RNF213: variants seen among roughly 807,000 people sequenced by gnomAD.
RNF213 encodes ring finger protein 213.
Under a neutral mutation model 514.4 loss-of-function variants are expected in RNF213, and 341 were observed. That is an observed-to-expected ratio of 0.66 (90% CI 0.61 to 0.73). The LOEUF (loss-of-function observed/expected upper bound fraction) is 0.73. Ranked by LOEUF, RNF213 falls within the 30% of genes least tolerant of loss-of-function variation. The pLI is 0.00. For synonymous variants in RNF213, 2,655 were observed against 2,658.2 expected, an observed-to-expected ratio of 1.00 and a Z score of 0.04; for missense variants, 5,767 against 6,615.6, an observed-to-expected ratio of 0.87 and a Z score of 4.45.
At chr17:80,337,465 C>T in intron 23 of RNF213, 121 bp from the exon 24 acceptor site, 1 of 1,348,422 alleles carries the variant, frequency 7.4e-7, no homozygotes, top group Non-Finnish European at 1.0e-6. Context: ...GTCCTGAGCC[C>T]TGGGGAAGCG....
rs1279879689 is a variant in RNF213, at chr17:80,396,725, T to TCCCCCCCCCC, written c.*3227_*3228insCCCCCCCCCC. On this transcript the variant is annotated 3_prime_UTR_variant, in exon 68 of 68. Coordinates refer to ENST00000582970, the MANE Select transcript of RNF213 (RefSeq NM_001256071.3). The stretch of plus-strand genomic sequence containing the variant: ...AAAAACAAGCGCCAGGAAAGTGCAT[T>TCCCCCCCCCC]TCCCCCCCACCCCCCCCCCCCAACC... 3.0e-5 allele frequency: 2 copies of TCCCCCCCCCC among 67,638 alleles called. No homozygotes were observed. Among genetic ancestry groups the TCCCCCCCCCC allele is most frequent in the African/African-American group, 1.0e-4 (2 of 19,584 alleles). 4.2% of individuals were successfully genotyped at this position (67,638 alleles called of 1,614,324 possible). A position where few individuals can be genotyped will look rare whatever the true frequency, so the allele number is the denominator to read the frequency against.
Position 80,373,135 on chromosome 17 carries a change from G to A in RNF213, c.12912G>A (p.Trp4304Ter), listed in dbSNP as rs1360309851. 2 of 1,612,722 alleles carry A rather than the reference G, an allele frequency of 1.2e-6. No individual in the cohort carries two copies. The highest frequency in any genetic ancestry group is 1.7e-5 in the Admixed American group (1 of 60,000). Residue 4304 changes from tryptophan to a stop codon, truncating the protein, a stop_gained, in exon 49 of 68, where the codon TGG becomes TGA. Coordinates refer to ENST00000582970, the MANE Select transcript of RNF213 (RefSeq NM_001256071.3). LOFTEE classifies it high-confidence loss of function. Reference protein sequence around the residue: ...GLSKPGRPHQWVFPKDVVKQQ... With the variant: ...GLSKPGRPHQ Reference sequence around the variant, plus strand: ...CCAAGCCCGGCCGCCCGCACCAGTGGGTGTTTCCCAAGGACGTTGTCAAGC... The same window carrying A: ...CCAAGCCCGGCCGCCCGCACCAGTGAGTGTTTCCCAAGGACGTTGTCAAGC...
At chr17:80,274,145 C>T (rs935564749) in intron 3 of RNF213, among the ~76,000 whole-genome samples, 6 of 152,060 alleles carry the variant, frequency 3.9e-5, no homozygotes, top group African/African-American at 9.7e-5. Flanking sequence ...ATTGAGGGTG[C>T]GTGCCCAGAG....
In RNF213 at chr17:80,361,724, C is replaced by T. The variant is rs374866812; in HGVS notation, c.11201-10C>T. The T allele has an allele frequency of 5.6e-6, 9 of 1,612,790 alleles. No homozygotes were observed. Among genetic ancestry groups the T allele is most frequent in the African/African-American group, 1.3e-5 (1 of 75,002 alleles). Reference sequence around the variant, plus strand: ...GCACTCCAGGCCGCTCCTTGGTTTCCTCTCTGCAGGACTGCCCAAGAAGTT... The same window carrying T: ...GCACTCCAGGCCGCTCCTTGGTTTCTTCTCTGCAGGACTGCCCAAGAAGTT... On this transcript the variant is annotated splice_polypyrimidine_tract_variant and intron_variant, in intron 38 of 67. Transcript: ENST00000582970.
rs971751110 is a variant in RNF213 at position 80,353,164 on chromosome 17, C to T, written c.10423+105C>T. On this transcript the variant is annotated intron_variant, in intron 33 of 67. Coordinates refer to ENST00000582970, the MANE Select transcript of RNF213 (RefSeq NM_001256071.3). This position sits in a 1 kb window ranked among gnomAD's most constrained non-coding sequence, Gnocchi z 5.0. ...CACTAGGAGCAGGGCCACCGTGTTT[C>T]GTCCCTCGGCAGGAGCTCGGGGACA... 17 of 1,498,884 alleles carry T rather than the reference C, an allele frequency of 1.1e-5. No homozygotes were observed. The highest frequency in any genetic ancestry group is 6.8e-5 in the East Asian group (3 of 44,126). The allele number at this position is 1,498,884 out of a possible 1,614,324, so 92.8% of individuals were successfully genotyped here.
In RNF213 at chr17:80,345,511, G is replaced by A. The variant is rs774601132; in HGVS notation, c.7176G>A (p.Thr2392=). ...GIPQATDPDK[T]YELTTDNMLK... ...CCCAGGCCACCGACCCCGACAAAAC[G>A]TATGAGCTCACAACCGACAATATGC... Residue 2392 remains threonine, a synonymous_variant, in exon 29 of 68, where the codon ACG becomes ACA. Transcript: ENST00000582970. The surrounding 1 kb of genome is among the most constrained non-coding windows in gnomAD (Gnocchi z 6.0). 18 of 1,611,596 alleles carry A rather than the reference G, an allele frequency of 1.1e-5. No individual in the cohort carries two copies. The highest frequency in any genetic ancestry group is 8.9e-5 in the East Asian group (4 of 44,844).
At chr17:80,290,414 C>CGT (rs34733680) in intron 6 of RNF213, among the ~76,000 whole-genome samples, 156 bp from the exon 7 acceptor site, 29,432 of 146,598 alleles carry the variant, frequency 0.2, 3,001 homozygotes, top group African/African-American at 0.28. Flanking sequence ...TGTGTGTGTG[C>CGT]GTGTGTGCGA....
chr17:80,271,002 C>T (rs1357561639), intron 2 of RNF213, among the ~76,000 whole-genome samples: 5 of 152,130 alleles, frequency 3.3e-5, no homozygotes, highest in Non-Finnish European at 2.9e-5. Flanking sequence ...ATGGATGCTT[C>T]CATACTTCTT....
intron 62 of RNF213, 127 bp from the exon 63 acceptor site, chr17:80,386,563 C>T (rs1348861655): frequency 1.0e-5 from 14 of 1,397,480 alleles, no homozygotes; most frequent in African/African-American, 5.7e-5. Flanking sequence ...ACCAGTGACC[C>T]GCCCCATACT....
intron 37 of RNF213, among the ~76,000 whole-genome samples, chr17:80,359,672 G>A (rs975533601): frequency 7.2e-5 from 11 of 152,040 alleles, no homozygotes; most frequent in Admixed American, 4.6e-4. Context: ...AATTGCCAGT[G>A]GAAACACTTA....
chr17:80,339,280 T>G lies in RNF213; in HGVS notation c.4913T>G (p.Ile1638Ser), dbSNP rs1217855416. The change falls in exon 26 of 68, where the codon ATC becomes AGC. Residue 1638 changes from isoleucine (I) to serine (S), a missense_variant. Physicochemically the swap from Ile to Ser is moderately radical, Grantham distance 142 (BLOSUM62 -2). Coordinates refer to ENST00000582970, the MANE Select transcript of RNF213 (RefSeq NM_001256071.3). Reference protein sequence around the residue: ...SAGNMLFRTWIAMAYCSPKQG... With the variant: ...SAGNMLFRTWSAMAYCSPKQG... ...GGGAATATGCTGTTCAGGACGTGGA[T>G]CGCCATGGCCTACTGCTCCCCCAAG... 1 of 1,534,842 alleles carries G rather than the reference T, an allele frequency of 6.5e-7. No individual in the cohort carries two copies. The highest frequency in any genetic ancestry group is 8.7e-7 in the Non-Finnish European group (1 of 1,145,074).
At chr17:80,385,457 G>A (rs978182221) in intron 60 of RNF213, 81 bp from the exon 61 acceptor site, 22 of 1,234,942 alleles carry the variant, frequency 1.8e-5, no homozygotes, top group African/African-American at 8.9e-5. Flanking sequence ...ATGGGCTCTC[G>A]GCAGAGCATG....
intron 56 of RNF213, chr17:80,381,206 T>C (rs2079986176): frequency 1.8e-5 from 11 of 625,702 alleles, no homozygotes; most frequent in Non-Finnish European, 2.8e-5. Context: ...CCACTTCAAA[T>C]TAACACTCTG....
At chr17:80,385,407 A>G in intron 60 of RNF213, 131 bp from the exon 61 acceptor site, 1 of 912,670 alleles carries the variant, frequency 1.1e-6, no homozygotes, top group Non-Finnish European at 1.8e-6. Context: ...TCCTTCAAAC[A>G]GCACCTCAGA....
intron 47 of RNF213, 64 bp from the exon 48 acceptor site, chr17:80,372,457 G>C (rs2079553314): frequency 2.5e-6 from 3 of 1,196,066 alleles, no homozygotes; most frequent in African/African-American, 1.5e-5. Flanking sequence ...GGCGACTGTA[G>C]AAGCTTGGGG....
intron 42 of RNF213, among the ~76,000 whole-genome samples, chr17:80,365,658 T>C (rs1024285718): frequency 2.0e-5 from 3 of 152,190 alleles, no homozygotes; most frequent in Non-Finnish European, 2.9e-5. Flanking sequence ...GGCATGGTCA[T>C]GTTCCAGGTG....
intron 49 of RNF213, among the ~76,000 whole-genome samples, chr17:80,373,388 AGCATCCCCAGAGCCAG>A (rs1252932219): frequency 1.3e-5 from 2 of 150,690 alleles, no homozygotes; most frequent in African/African-American, 4.9e-5. Flanking sequence ...GCCTGCCCTT[AGCATCCCCAGAGCCAG>A]GAAGGAAACC....
At chr17:80,270,403 G>A (rs1225712819) in intron 2 of RNF213, among the ~76,000 whole-genome samples, 1 of 152,232 alleles carries the variant, frequency 6.6e-6, no homozygotes, top group Non-Finnish European at 1.5e-5. Context: ...GCTTCAGGCT[G>A]GCACATTTAC....
At chr17:80,320,979 C>T (rs1358525974) in intron 17 of RNF213, 1 of 152,202 alleles carries the variant, frequency 6.6e-6, no homozygotes, top group African/African-American at 2.4e-5. Flanking sequence ...AGAGCAAGAC[C>T]CTGTCTCAAA....
Sources: gnomAD v4.1 joint callset for allele counts (sites outside exome capture counted in the v4.1 genomes callset) on GRCh38, gnomAD v4.1.1 for gene constraint, Gnocchi (gnomAD v3.1) non-coding constraint, MANE v1.5 for transcripts, NCBI Gene and HGNC (gene_info 2026-07-23, HGNC 2026-07-21) for gene names.